The following CPVL variants were observed in gnomAD, a reference collection of about 807,000 sequenced individuals.
CPVL encodes the protein probable serine carboxypeptidase CPVL.
Under a neutral mutation model 63.7 loss-of-function variants are expected in CPVL, and 51 were observed. The ratio of observed to expected loss-of-function variants is 0.80; its 90% CI spans 0.64 to 1.01. CPVL has a LOEUF of 1.01. Ranked by LOEUF, CPVL falls within the 50% of genes least tolerant of loss-of-function variation. CPVL has a pLI of 0.00. For missense variants in CPVL, 530 were observed against 573.1 expected (o/e 0.92, Z 0.77); for synonymous variants, 195 against 206.0 (o/e 0.95, Z 0.46).
At chr7:29,076,272 C>T (rs1470236595) in intron 7 of CPVL, among the ~76,000 whole-genome samples, 1 of 152,114 alleles carries the variant, frequency 6.6e-6, no homozygotes, top group Admixed American at 6.6e-5. Context: ...GCAACAACAA[C>T]CAGAACTCTT....
chr7:29,129,713 C>T (rs1790480801), intron 1 of CPVL, among the ~76,000 whole-genome samples: 1 of 152,126 alleles, frequency 6.6e-6, no homozygotes, highest in African/African-American at 2.4e-5. Context: ...GTGAACTGCC[C>T]ACCTCGGCTT....
At chr7:29,184,288 A>G (rs1410071658) in intron 4 of CPVL, 6 of 150,948 alleles carry the variant, frequency 4.0e-5, no homozygotes, top group Non-Finnish European at 8.8e-5. Context: ...TGATATATAT[A>G]TTTAGGAATA....
intron 1 of CPVL, among the ~76,000 whole-genome samples, chr7:29,135,233 T>C (rs1353434053): frequency 1.3e-5 from 2 of 151,808 alleles, no homozygotes; most frequent in South Asian, 2.1e-4. Context: ...AATGAAAAGA[T>C]GAAGAACACA....
chr7:29,113,170 T>C (rs950352947), intron 2 of CPVL, among the ~76,000 whole-genome samples: 3 of 151,782 alleles, frequency 2.0e-5, no homozygotes, highest in African/African-American at 7.3e-5. Flanking sequence ...TTGGGCCACA[T>C]GGAAAGGAGC....
intron 1 of CPVL, chr7:29,124,858 A>C (rs1033297823): frequency 6.6e-6 from 1 of 152,134 alleles, no homozygotes; most frequent in Non-Finnish European, 1.5e-5. Flanking sequence ...CTTTTTTAAA[A>C]AAACAAAGTG....
In CPVL at chr7:28,997,565, C is replaced by T. The variant is rs1460810625; in HGVS notation, c.1321-1683G>A. ...CTGTGCACTGAACAACTACAGGGAG[C>T]ACCATTCACATGAGCATTGAGATGA... On this transcript the variant is annotated intron_variant, in intron 12 of 12. Coordinates refer to ENST00000265394, the MANE Select transcript of CPVL (RefSeq NM_031311.5). Among the ~76,000 whole-genome samples the T allele has an allele frequency of 4.6e-5, 7 of 152,292 alleles. No individual in the cohort carries two copies. The East Asian group carries it at 1.4e-3, about 29-fold the overall frequency.
At chr7:29,172,859 A>G (rs1401806409) in intron 5 of CPVL, among the ~76,000 whole-genome samples, 1 of 152,078 alleles carries the variant, frequency 6.6e-6, no homozygotes, top group Non-Finnish European at 1.5e-5. Flanking sequence ...ATGCTGGATA[A>G]GGCCGAGTGT....
chr7:29,104,395 G>A (rs890466438), intron 3 of CPVL, among the ~76,000 whole-genome samples: 2 of 152,074 alleles, frequency 1.3e-5, no homozygotes, highest in Non-Finnish European at 2.9e-5. Flanking sequence ...GGAGTGGCTG[G>A]GATTACAGGT....
intron 12 of CPVL, chr7:29,001,160 G>A (rs1030176696): frequency 6.6e-6 from 1 of 152,160 alleles, no homozygotes; most frequent in Non-Finnish European, 1.5e-5. Flanking sequence ...TAAAGGTTAA[G>A]TGAGACTTTC....
intron 11 of CPVL, among the ~76,000 whole-genome samples, chr7:29,063,269 A>G (rs542185122): frequency 6.6e-6 from 1 of 152,310 alleles, no homozygotes; most frequent in South Asian, 2.1e-4. Context: ...ACCCTTTCTC[A>G]TTCATCATTT....
chr7:29,052,555 G>A (rs1790292395), intron 11 of CPVL, among the ~76,000 whole-genome samples: 1 of 150,432 alleles, frequency 6.6e-6, no homozygotes, highest in African/African-American at 2.4e-5. Flanking sequence ...AAAATAAAAA[G>A]ACAACCCAGA....
At chr7:29,154,180 G>A (rs1449188247) in intron 5 of CPVL, among the ~76,000 whole-genome samples, 1 of 152,122 alleles carries the variant, frequency 6.6e-6, no homozygotes, top group Non-Finnish European at 1.5e-5. Context: ...GAGGAGGGTG[G>A]TGGGCTTCTC....
chr7:29,072,022 G>T, intron 8 of CPVL, 118 bp from the exon 9 acceptor site: 1 of 1,269,776 alleles, frequency 7.9e-7, no homozygotes, highest in Non-Finnish European at 1.1e-6. Flanking sequence ...GGTTAGCCAA[G>T]TAGGATAATT....
intron 3 of CPVL, among the ~76,000 whole-genome samples, chr7:29,103,743 G>A (rs1269716248): frequency 6.6e-6 from 1 of 152,140 alleles, no homozygotes; most frequent in African/African-American, 2.4e-5. Flanking sequence ...TGCCACGCTT[G>A]GTTAGAGAAA....
intron 1 of CPVL, among the ~76,000 whole-genome samples, chr7:29,135,078 T>A (rs1197646051): frequency 7.3e-6 from 1 of 137,310 alleles, no homozygotes; most frequent in African/African-American, 2.8e-5. Context: ...CACTCCAGCC[T>A]AGATGACAGA....
intron 7 of CPVL, among the ~76,000 whole-genome samples, chr7:29,075,519 T>TA (rs10658501): frequency 0.02 from 2,545 of 128,944 alleles, 160 homozygotes; most frequent in Admixed American, 0.026. Flanking sequence ...AGATACTTCT[T>TA]AAAAAAAAAA....
chr7:29,113,461 G>T (rs901322596), intron 2 of CPVL, among the ~76,000 whole-genome samples: 1 of 152,100 alleles, frequency 6.6e-6, no homozygotes, highest in African/African-American at 2.4e-5. Flanking sequence ...AGTTGTGGGG[G>T]CCAGGGGTCC....
chr7:29,146,861 A>G, upstream of CPVL: 1 of 1,551,180 alleles, frequency 6.4e-7, no homozygotes, highest in African/African-American at 1.4e-5. Context: ...CTTACTTGCA[A>G]GCCCAGGATT....
At chr7:28,999,744 C>T (rs112266359) in intron 12 of CPVL, among the ~76,000 whole-genome samples, 290 of 152,244 alleles carry the variant, frequency 1.9e-3, no homozygotes, top group African/African-American at 6.6e-3. Context: ...ATTAATATTG[C>T]GGGAAGAGAA....
Sources: gnomAD v4.1 joint callset for allele counts (sites outside exome capture counted in the v4.1 genomes callset) on GRCh38, gnomAD v4.1.1 for gene constraint, MANE v1.5 for transcripts, NCBI Gene and HGNC (gene_info 2026-07-23, HGNC 2026-07-21) for gene names.